Variants in KCNC1 observed in about 807,000 individuals in gnomAD.
The protein encoded by KCNC1 is voltage-gated potassium channel KCNC1.
In KCNC1, 8 loss-of-function variants were observed where a neutral mutation model predicts 43.4. That is an observed-to-expected ratio of 0.18 (90% confidence interval 0.11 to 0.33). The LOEUF (loss-of-function observed/expected upper bound fraction) is 0.33. Ranked by LOEUF, KCNC1 falls within the 10% of genes least tolerant of loss-of-function variation. KCNC1 has a pLI of 1.00. For missense variants in KCNC1, 420 were observed against 836.0 expected, an observed-to-expected ratio of 0.50 and a Z score of 6.14; for synonymous variants, 361 against 360.5, an observed-to-expected ratio of 1.00 and a Z score of -0.01.
chr11:17,750,017 G>A (rs1308292156), intron 1 of KCNC1, among the ~76,000 whole-genome samples: 1 of 152,118 alleles, frequency 6.6e-6, no homozygotes, highest in African/African-American at 2.4e-5. Context: ...ACAGGCTAAA[G>A]GAGGGTGCAC....
At chr11:17,774,102 C>A in intron 2 of KCNC1, 1 of 985,584 alleles carries the variant, frequency 1.0e-6, no homozygotes, top group Non-Finnish European at 1.2e-6. Flanking sequence ...TGGGGGTTTC[C>A]CGGTCCTTTC....
At chr11:17,761,158 T>C (rs1849074474) in intron 1 of KCNC1, among the ~76,000 whole-genome samples, 1 of 152,220 alleles carries the variant, frequency 6.6e-6, no homozygotes, top group African/African-American at 2.4e-5. Context: ...ACACCTGGAC[T>C]CGTCCACAGG....
rs573587070 is a variant in KCNC1, at chr11:17,739,695, G to A, written c.570+3123G>A. Among the ~76,000 whole-genome samples, 117 of 151,982 alleles carry A rather than the reference G, an allele frequency of 7.7e-4. No individual in the cohort carries two copies. The highest frequency in any genetic ancestry group is 5.6e-3 in the Admixed American group (86 of 15,268). On this transcript the variant is annotated intron_variant, in intron 1 of 3. Transcript: ENST00000265969. The surrounding 1 kb of genome is among the most constrained non-coding windows in gnomAD (Gnocchi z 4.2). ...AGTCTGTGTGTGTGTGTGTGTGTGT[G>A]TGTGTGTACATGCGTGTACACATAA... is the stretch of plus-strand genomic sequence containing the variant.
At chr11:17,769,461 TG>T (rs1849196815) in intron 1 of KCNC1, among the ~76,000 whole-genome samples, 1 of 151,012 alleles carries the variant, frequency 6.6e-6, no homozygotes, top group South Asian at 2.1e-4. Context: ...AGTGGATGGA[TG>T]GGTGTATGAA....
intron 1 of KCNC1, among the ~76,000 whole-genome samples, chr11:17,740,391 T>C (rs965615257): frequency 1.3e-5 from 2 of 152,064 alleles, no homozygotes; most frequent in Non-Finnish European, 1.5e-5. Flanking sequence ...GAGGAGGTGA[T>C]GCTGGGGCAA....
rs1391431689 is a variant in KCNC1 at position 17,773,415 on chromosome 11, C to T, written c.1504+817C>T. 6 of 985,388 alleles carry T rather than the reference C, an allele frequency of 6.1e-6. No individual in the cohort carries two copies. In the East Asian group the frequency reaches 4.5e-4, roughly 75 times the overall value. The allele number at this position is 985,388 out of a possible 1,614,324, so 61.0% of individuals were successfully genotyped here. On this transcript the variant is annotated intron_variant, in intron 2 of 3. Coordinates refer to ENST00000265969, the MANE Select transcript of KCNC1 (RefSeq NM_001112741.2). The surrounding 1 kb of genome is among the most constrained non-coding windows in gnomAD (Gnocchi z 4.1). ...AGCAAAAGACTAGAGGGGGCCACCA[C>T]CCTGGGCAGCTTAGATGAAAGCGCT...
intron 1 of KCNC1, among the ~76,000 whole-genome samples, chr11:17,748,357 C>T (rs768126435): frequency 9.2e-5 from 14 of 151,988 alleles, no homozygotes; most frequent in South Asian, 6.2e-4. Context: ...GGGCTGGGCT[C>T]GGAGTCAAAG....
Position 17,773,286 on chromosome 11 carries a change from CCTTTAT to C in KCNC1, c.1504+694_1504+699del. Reference sequence around the variant, plus strand: ...CTTCTACCACCACTCTAGAGTTTAGCCTTTATCTTTAGGAACCTGTTGAAGTGACTC... The same window carrying C: ...CTTCTACCACCACTCTAGAGTTTAGCCTTTAGGAACCTGTTGAAGTGACTC... On this transcript the variant is annotated intron_variant, in intron 2 of 3. Transcript: ENST00000265969. This position sits in a 1 kb window ranked among gnomAD's most constrained non-coding sequence, Gnocchi z 4.1. 2.0e-6 allele frequency: 2 copies of C among 985,392 alleles called. No homozygotes were observed. The highest frequency in any genetic ancestry group is 9.4e-5 in the South Asian group (2 of 21,272). The allele number at this position is 985,392 out of a possible 1,614,324, so 61.0% of individuals were successfully genotyped here.
intron 1 of KCNC1, among the ~76,000 whole-genome samples, chr11:17,768,823 G>A (rs1437703671): frequency 6.6e-6 from 1 of 152,234 alleles, no homozygotes; most frequent in East Asian, 1.9e-4. Context: ...CTGCCCTTAG[G>A]GAGTCTCTGG....
At position 17,772,108 on chromosome 11, in the gene KCNC1, C is replaced by T; in HGVS notation, c.1014C>T (p.Leu338=). The change falls in exon 2 of 4, where the codon CTC becomes CTT. Residue 338 remains leucine, a synonymous_variant. Coordinates refer to ENST00000265969, the MANE Select transcript of KCNC1 (RefSeq NM_001112741.2). ...GCCTGCGGGTCCTGGGCCACACGCT[C>T]CGAGCCAGCACCAACGAGTTCCTGC... ...FVGLRVLGHT[L]RASTNEFLLL... is the part of the protein sequence containing the mutation. 2 of 1,613,832 alleles carry T rather than the reference C, an allele frequency of 1.2e-6. No individual in the cohort carries two copies. The highest frequency in any genetic ancestry group is 1.7e-6 in the Non-Finnish European group (2 of 1,179,958).
rs1233231026 is a variant in KCNC1 at position 17,741,704 on chromosome 11, C to T, written c.570+5132C>T. On this transcript the variant is annotated intron_variant, in intron 1 of 3. Coordinates refer to ENST00000265969, the MANE Select transcript of KCNC1 (RefSeq NM_001112741.2). Reference sequence around the variant, plus strand: ...TGGCCCATACTGTGGCCTCTCAGGCCCTGCCTGTCCCTCCAGTTTCCTCTG... The same window carrying T: ...TGGCCCATACTGTGGCCTCTCAGGCTCTGCCTGTCCCTCCAGTTTCCTCTG... 2.6e-5 allele frequency among the ~76,000 whole-genome samples: 4 copies of T among 152,336 alleles called. No homozygotes were observed. In the East Asian group the frequency reaches 7.7e-4, roughly 29 times the overall value.
rs977947782 is a variant in KCNC1, at chr11:17,736,425, C to T, written c.423C>T (p.Asp141=). ...ADDADADGPG[D]SGDGEDELEM... ...ACGCGGACGCCGACGGCCCTGGCGACTCGGGCGACGGCGAGGACGAGCTGG... is the reference window on the plus strand; with the variant it reads ...ACGCGGACGCCGACGGCCCTGGCGATTCGGGCGACGGCGAGGACGAGCTGG... Residue 141 remains aspartate, a synonymous_variant, in exon 1 of 4, where the codon GAC becomes GAT. Transcript: ENST00000265969. This position sits in a 1 kb window ranked among gnomAD's most constrained non-coding sequence, Gnocchi z 9.3. The T allele has an allele frequency of 1.9e-6, 3 of 1,607,938 alleles. No individual in the cohort carries two copies. The African/African-American group carries it at 4.0e-5, about 21-fold the overall frequency.
chr11:17,767,387 G>C lies in KCNC1; in HGVS notation c.571-4278G>C, dbSNP rs561093736. On this transcript the variant is annotated intron_variant, in intron 1 of 3. Transcript: ENST00000265969. The stretch of plus-strand genomic sequence containing the variant: ...GCTTTAAAACCTTGGCTTAGTCCCC[G>C]AACCTTTCTGTACCTGCATTTCCTC... Among the ~76,000 whole-genome samples, 6 of 152,156 alleles carry C rather than the reference G, an allele frequency of 3.9e-5. No individual in the cohort carries two copies. The East Asian group carries it at 1.2e-3, about 29-fold the overall frequency.
At chr11:17,754,484 G>A (rs1218774526) in intron 1 of KCNC1, among the ~76,000 whole-genome samples, 1 of 152,242 alleles carries the variant, frequency 6.6e-6, no homozygotes, top group African/African-American at 2.4e-5. Context: ...GGGGCAGCAA[G>A]CACCAGCCGC....
intron 2 of KCNC1, chr11:17,775,340 C>T (rs1231499483): frequency 1.1e-5 from 11 of 985,588 alleles, no homozygotes; most frequent in Non-Finnish European, 1.2e-5. Context: ...CCCTCACCTC[C>T]ACCTCTTGGT....
chr11:17,736,326 G>T lies in KCNC1; in HGVS notation c.324G>T (p.Thr108=). ...ACGTGGAGCCCTGCTGCTGGATGAC[G>T]TACCGCCAGCACCGCGACGCCGAGG... The part of the protein sequence containing the change: ...ETDVEPCCWM[T]YRQHRDAEEA... Residue 108 remains threonine, a synonymous_variant, in exon 1 of 4, where the codon ACG becomes ACT. Coordinates refer to ENST00000265969, the MANE Select transcript of KCNC1 (RefSeq NM_001112741.2). This position sits in a 1 kb window ranked among gnomAD's most constrained non-coding sequence, Gnocchi z 9.3. 1 of 1,613,150 alleles carries T rather than the reference G, an allele frequency of 6.2e-7. No individual in the cohort carries two copies. The highest frequency in any genetic ancestry group is 8.5e-7 in the Non-Finnish European group (1 of 1,179,866).
chr11:17,772,462 A>T lies in KCNC1; in HGVS notation c.1368A>T (p.Lys456Asn). The T allele has an allele frequency of 6.2e-7, 1 of 1,614,200 alleles. No homozygotes were observed. Among genetic ancestry groups the T allele is most frequent in the Admixed American group, 1.7e-5 (1 of 60,030 alleles). Reference protein sequence around the residue: ...AMAKQKLPKKKKKHIPRPPQL... With the variant: ...AMAKQKLPKKNKKHIPRPPQL... ...CTAAGCAGAAACTACCAAAGAAAAA[A>T]AAGAAGCATATTCCGCGGCCACCGC... The change falls in exon 2 of 4, where the codon AAA (lysine) becomes AAT (asparagine). Residue 456 changes from lysine to asparagine, a missense_variant. Physicochemically the swap from Lys to Asn is moderately conservative, Grantham distance 94. This residue lies in a region of KCNC1 where 147 missense variants were observed against 176.1 expected (regional missense o/e 0.83). Transcript: ENST00000265969.
intron 1 of KCNC1, among the ~76,000 whole-genome samples, chr11:17,754,495 C>T (rs528519936): frequency 1.0e-3 from 159 of 152,314 alleles, no homozygotes; most frequent in African/African-American, 3.5e-3. Context: ...CACCAGCCGC[C>T]GGGGGCTCAC....
chr11:17,766,438 CAT>C (rs938928755), intron 1 of KCNC1, among the ~76,000 whole-genome samples: 1 of 152,274 alleles, frequency 6.6e-6, no homozygotes. Context: ...GCAGATCACT[CAT>C]GTGGGAAGCA....
Sources: allele counts gnomAD v4.1 joint callset (sites outside exome capture counted in the v4.1 genomes callset), GRCh38; gene constraint gnomAD v4.1.1; regional missense constraint gnomAD v4.1.1; non-coding constraint Gnocchi (gnomAD v3.1); transcripts MANE v1.5; gene names NCBI Gene and HGNC (gene_info 2026-07-23, HGNC 2026-07-21).